The following NXPH1 variants were observed in gnomAD, a reference collection of about 807,000 sequenced individuals.
NXPH1 encodes neurexophilin 1.
NXPH1 carries 5 observed loss-of-function variants against 23.7 expected under a neutral mutation model. That is an observed-to-expected ratio of 0.21 (90% CI 0.11 to 0.44). The LOEUF is 0.44. Among genes scored for constraint, NXPH1 ranks in the 20% least tolerant of loss-of-function variants. NXPH1 has a pLI of 0.99. For synonymous variants in NXPH1, 144 were observed against 122.2 expected (o/e 1.18, Z -1.18); for missense variants, 324 against 321.6 (o/e 1.01, Z -0.06).
At chr7:8,671,361 C>A (rs763159375) in intron 2 of NXPH1, among the ~76,000 whole-genome samples, 3 of 152,160 alleles carry the variant, frequency 2.0e-5, no homozygotes, top group South Asian at 2.1e-4. Context: ...ATTCTAAAAA[C>A]ACTCTTTTTG....
intron 2 of NXPH1, among the ~76,000 whole-genome samples, chr7:8,687,841 G>T (rs1308707287): frequency 1.3e-5 from 2 of 152,018 alleles, no homozygotes; most frequent in African/African-American, 4.8e-5. Flanking sequence ...TTTCTTTCTA[G>T]AAATAAGCCT....
chr7:8,749,048 AT>A (rs932054830), intron 2 of NXPH1, among the ~76,000 whole-genome samples: 1 of 152,080 alleles, frequency 6.6e-6, no homozygotes, highest in African/African-American at 2.4e-5. Context: ...GGGGGAGCCC[AT>A]TTTTTTCCAC....
intron 2 of NXPH1, among the ~76,000 whole-genome samples, chr7:8,692,125 AG>A (rs1210490699): frequency 2.0e-5 from 3 of 151,698 alleles, no homozygotes; most frequent in Non-Finnish European, 4.4e-5. Context: ...ATGAGATGGC[AG>A]GGAGGGCTTA....
intron 2 of NXPH1, among the ~76,000 whole-genome samples, chr7:8,652,213 G>A (rs953422737): frequency 6.6e-6 from 1 of 152,040 alleles, no homozygotes; most frequent in African/African-American, 2.4e-5. Context: ...TATAGAAAAT[G>A]AGAAAAAGCT....
chr7:8,514,941 T>A (rs915993443), intron 2 of NXPH1, among the ~76,000 whole-genome samples: 1 of 152,072 alleles, frequency 6.6e-6, no homozygotes, highest in Non-Finnish European at 1.5e-5. Flanking sequence ...ATATGGCCCA[T>A]ATGTCTTCTG....
chr7:8,619,909 A>G (rs574187606), intron 2 of NXPH1, among the ~76,000 whole-genome samples: 51 of 152,292 alleles, frequency 3.3e-4, no homozygotes, highest in Admixed American at 9.8e-4. Context: ...ACTACCTACA[A>G]CAAGTATGTG....
intron 2 of NXPH1, among the ~76,000 whole-genome samples, chr7:8,471,056 A>C (rs1174636606): frequency 2.0e-5 from 3 of 152,144 alleles, no homozygotes; most frequent in East Asian, 3.9e-4. Flanking sequence ...TAGTGGGCAG[A>C]TACAAAGTGA....
intron 2 of NXPH1, among the ~76,000 whole-genome samples, chr7:8,464,305 T>A (rs1249401902): frequency 6.6e-6 from 1 of 152,168 alleles, no homozygotes; most frequent in East Asian, 1.9e-4. Flanking sequence ...CCATCTATCA[T>A]TTTCACTCTT....
At chr7:8,532,566 A>C (rs1351761282) in intron 2 of NXPH1, among the ~76,000 whole-genome samples, 1 of 151,866 alleles carries the variant, frequency 6.6e-6, no homozygotes, top group Admixed American at 6.6e-5. Context: ...TCTGGAAAAA[A>C]GTGACAGAAA....
intron 2 of NXPH1, among the ~76,000 whole-genome samples, chr7:8,608,626 A>G (rs989018841): frequency 1.3e-5 from 2 of 152,152 alleles, no homozygotes; most frequent in African/African-American, 4.8e-5. Flanking sequence ...TTTTAAAAAT[A>G]TGGAGGTTTG....
At chr7:8,461,627 G>A (rs1291754585) in intron 2 of NXPH1, among the ~76,000 whole-genome samples, 2 of 150,404 alleles carry the variant, frequency 1.3e-5, no homozygotes, top group African/African-American at 2.5e-5. Flanking sequence ...TCAGGAGATC[G>A]AGACCATCCT....
At chr7:8,671,167 T>G (rs1820863405) in intron 2 of NXPH1, among the ~76,000 whole-genome samples, 1 of 152,228 alleles carries the variant, frequency 6.6e-6, no homozygotes, top group Admixed American at 6.5e-5. Flanking sequence ...TATGCTATTT[T>G]TGTGTGTTCG....
intron 2 of NXPH1, among the ~76,000 whole-genome samples, chr7:8,492,758 G>A (rs1817270424): frequency 6.6e-6 from 1 of 152,134 alleles, no homozygotes; most frequent in African/African-American, 2.4e-5. Context: ...CATTGGTGGA[G>A]GGAGCACTTA....
chr7:8,494,211 T>A (rs1434233431), intron 2 of NXPH1, among the ~76,000 whole-genome samples: 1 of 149,780 alleles, frequency 6.7e-6, no homozygotes, highest in African/African-American at 2.4e-5. Flanking sequence ...CATAGGAGAA[T>A]GATTTTTTTT....
chr7:8,439,575 G>A (rs1483215702), intron 2 of NXPH1, among the ~76,000 whole-genome samples: 1 of 152,218 alleles, frequency 6.6e-6, no homozygotes, highest in Non-Finnish European at 1.5e-5. Flanking sequence ...GAATTAAATT[G>A]CTAATAATCA....
chr7:8,459,310 T>G (rs775508144), intron 2 of NXPH1, among the ~76,000 whole-genome samples: 1 of 152,126 alleles, frequency 6.6e-6, no homozygotes, highest in African/African-American at 2.4e-5. Context: ...TTTTACAAAT[T>G]AAAGGCAAAC....
chr7:8,576,579 C>G (rs114710441), intron 2 of NXPH1, among the ~76,000 whole-genome samples: 18 of 152,132 alleles, frequency 1.2e-4, no homozygotes, highest in African/African-American at 4.3e-4. Context: ...AAGGCTGCAG[C>G]CTTCTTTCAC....
intron 2 of NXPH1, among the ~76,000 whole-genome samples, chr7:8,692,161 C>T (rs1821231542): frequency 6.6e-6 from 1 of 151,408 alleles, no homozygotes; most frequent in South Asian, 2.1e-4. Context: ...GCTTTGTAAA[C>T]CAGGATAAAG....
chr7:8,728,479 CATAG>C lies in NXPH1; in HGVS notation c.55-22524_55-22521del, dbSNP rs1780094888. Among the ~76,000 whole-genome samples the C allele has an allele frequency of 1.6e-4, 24 of 152,230 alleles. No homozygotes were observed. In the South Asian group the frequency reaches 5.0e-3, roughly 32 times the overall value. On this transcript the variant is annotated intron_variant, in intron 2 of 2. Coordinates refer to ENST00000405863, the MANE Select transcript of NXPH1 (RefSeq NM_152745.3). ...AGTATGATATTGGCTGTGGGTTTGT[CATAG>C]ATAGCTTTTATTATTTTGAAATATG...
Sources: gnomAD v4.1 joint callset for allele counts (sites outside exome capture counted in the v4.1 genomes callset) on GRCh38, gnomAD v4.1.1 for gene constraint, MANE v1.5 for transcripts, NCBI Gene and HGNC (gene_info 2026-07-23, HGNC 2026-07-21) for gene names.